ANKRD35: variants seen among roughly 807,000 people sequenced by gnomAD.
The protein encoded by ANKRD35 is ankyrin repeat domain-containing protein 35.
Under a neutral mutation model 109.9 loss-of-function variants are expected in ANKRD35, and 102 were observed. That is an observed-to-expected ratio of 0.93 (90% CI 0.79 to 1.09). The LOEUF is 1.09. ANKRD35 is among the 50% of genes least tolerant of loss of function. ANKRD35 has a pLI of 0.00. For synonymous variants in ANKRD35, 515 were observed against 512.4 expected, an observed-to-expected ratio of 1.01 and a Z score of -0.07; for missense variants, 1,240 against 1,230.1, an observed-to-expected ratio of 1.01 and a Z score of -0.12.
chr1:145,883,612 A>G (rs1309846410), intron 1 of ANKRD35, among the ~76,000 whole-genome samples: 2 of 152,248 alleles, frequency 1.3e-5, no homozygotes, highest in African/African-American at 4.8e-5. Flanking sequence ...CTGACAGTGC[A>G]GGGCTCTGGC....
At position 145,872,658 on chromosome 1, in the gene ANKRD35, A is replaced by G. The variant is rs587717217; in HGVS notation, c.2111T>C (p.Leu704Pro). Residue 704 changes from leucine to proline, a missense_variant, in exon 10 of 14, where the codon CTG (leucine) becomes CCG (proline). Leu to Pro is a moderately conservative substitution (Grantham distance 98). Coordinates refer to ENST00000355594, the MANE Select transcript of ANKRD35 (RefSeq NM_144698.5). ...TAGGTCTGCGGGCAGGCAGTCCCAC[A>G]GCCCTCGGAGACCGCTGCTCTGGGA... ...LASQSSGLRG[L>P]WDCLPADLVG... is the part of the protein sequence containing the mutation. The G allele has an allele frequency of 4.3e-6, 7 of 1,614,064 alleles. No homozygotes were observed. In the Admixed American group the frequency reaches 1.0e-4, roughly 23 times the overall value.
intron 1 of ANKRD35, among the ~76,000 whole-genome samples, chr1:145,884,523 C>T (rs1553741583): frequency 2.6e-5 from 4 of 152,158 alleles, no homozygotes; most frequent in South Asian, 2.1e-4. Flanking sequence ...CTAAATTAGC[C>T]GTAACCCCAA....
At position 145,868,217 on chromosome 1, in the gene ANKRD35, T is replaced by C; in HGVS notation, c.2877+94A>G. On this transcript the variant is annotated intron_variant, in intron 11 of 13. Transcript: ENST00000355594. ...CCAGGCCTCTGTAATTCCTAGAATG[T>C]CTCCCTCAGTAATTCCTAGAATGTC... 3 of 1,501,420 alleles carry C rather than the reference T, an allele frequency of 2.0e-6. No homozygotes were observed. In the Admixed American group the frequency reaches 5.1e-5, roughly 26 times the overall value. The allele number at this position is 1,501,420 out of a possible 1,614,324, so 93.0% of individuals were successfully genotyped here. A position where few individuals can be genotyped will look rare whatever the true frequency, so the allele number is the denominator to read the frequency against.
rs143388227 is a variant in ANKRD35 at position 145,876,581 on chromosome 1, G to T, written c.441C>A (p.Asp147Glu). The T allele has an allele frequency of 6.2e-7, 1 of 1,614,160 alleles. No individual in the cohort carries two copies. Among genetic ancestry groups the T allele is most frequent in the South Asian group, 1.1e-5 (1 of 91,086 alleles). ...ATCTGACACTCACATTATCCAACAC[G>T]TCCAGGAAGGCTTCGTGGTCACACA... ...LLLCDHEAFLDVLDNDGRTPL... is the reference protein window; with the variant it reads ...LLLCDHEAFLEVLDNDGRTPL... Residue 147 changes from aspartate (D) to glutamate (E), a missense_variant, in exon 6 of 14, where the codon GAC becomes GAA. Physicochemically the swap from Asp to Glu is conservative, Grantham distance 45. Coordinates refer to ENST00000355594, the MANE Select transcript of ANKRD35 (RefSeq NM_144698.5).
chr1:145,877,111 G>C (rs1654110247), intron 4 of ANKRD35, among the ~76,000 whole-genome samples: 1 of 152,144 alleles, frequency 6.6e-6, no homozygotes, highest in African/African-American at 2.4e-5. Flanking sequence ...AAACGTGTTA[G>C]GGAAAATGAC....
intron 1 of ANKRD35, among the ~76,000 whole-genome samples, chr1:145,881,934 CT>C (rs1178432011): frequency 6.8e-6 from 1 of 147,730 alleles, no homozygotes; most frequent in Non-Finnish European, 1.5e-5. Context: ...AATATAGATA[CT>C]TTTCTTTCCC....
Position 145,872,638 on chromosome 1 carries a change from C to T in ANKRD35, c.2131G>A (p.Asp711Asn). Residue 711 changes from aspartate (D) to asparagine (N), a missense_variant, in exon 10 of 14, where the codon GAC becomes AAC. Asp to Asn is a conservative substitution (Grantham distance 23). Transcript: ENST00000355594. ...TGTGCACTCCTCTCGCCCACTAGGT[C>T]TGCGGGCAGGCAGTCCCACAGCCCT... ...LRGLWDCLPA[D>N]LVGERSAQSK... 1.2e-6 allele frequency: 2 copies of T among 1,614,060 alleles called. No individual in the cohort carries two copies. Among genetic ancestry groups the T allele is most frequent in the Non-Finnish European group, 1.7e-6 (2 of 1,179,974 alleles).
Position 145,873,994 on chromosome 1 carries a change from G to A in ANKRD35, c.784-9C>T. 1 of 1,613,338 alleles carries A rather than the reference G, an allele frequency of 6.2e-7. No individual in the cohort carries two copies. The highest frequency in any genetic ancestry group is 8.5e-7 in the Non-Finnish European group (1 of 1,179,720). On this transcript the variant is annotated splice_polypyrimidine_tract_variant and intron_variant, in intron 9 of 13. Coordinates refer to ENST00000355594, the MANE Select transcript of ANKRD35 (RefSeq NM_144698.5). Reference sequence around the variant, plus strand: ...GGCTCAGATGGAGAGGCCTATGTTGGAAACAGAATAGTAAAGTGTGGCCAC... The same window carrying A: ...GGCTCAGATGGAGAGGCCTATGTTGAAAACAGAATAGTAAAGTGTGGCCAC...
chr1:145,872,319 G>A lies in ANKRD35; in HGVS notation c.2450C>T (p.Ala817Val). 6.2e-7 allele frequency: 1 copy of A among 1,613,006 alleles called. No individual in the cohort carries two copies. Among genetic ancestry groups the A allele is most frequent in the Non-Finnish European group, 8.5e-7 (1 of 1,179,610 alleles). Residue 817 changes from alanine (A) to valine (V), a missense_variant, in exon 10 of 14, where the codon GCC becomes GTC. Coordinates refer to ENST00000355594, the MANE Select transcript of ANKRD35 (RefSeq NM_144698.5). ...CCTTAGCTCAGCCACTTCCTCTGTG[G>A]CTTGGTAGAGCAGCTGCTTCAGCTT... ...IGKLKQLLYQ[A>V]TEEVAELRAR... is the part of the protein sequence containing the mutation.
chr1:145,871,081 T>A (rs12405876), intron 10 of ANKRD35, among the ~76,000 whole-genome samples: 81,800 of 150,770 alleles, frequency 0.54, 24,167 homozygotes, highest in African/African-American at 0.77. Context: ...TAGAGCAAGC[T>A]TTAGGAAACT....
At chr1:145,870,332 T>A (rs1553738385) in intron 10 of ANKRD35, among the ~76,000 whole-genome samples, 2 of 152,064 alleles carry the variant, frequency 1.3e-5, no homozygotes, top group African/African-American at 4.8e-5. Context: ...GACCTCGTGA[T>A]CCGCCTGCCT....
At chr1:145,876,779 C>A in intron 5 of ANKRD35, 37 bp downstream of exon 5, 1 of 1,613,876 alleles carries the variant, frequency 6.2e-7, no homozygotes, top group East Asian at 2.2e-5. Context: ...ACCCTGTAGT[C>A]TCTGCAGCCC....
At chr1:145,882,720 T>TA (rs1654338495) in intron 1 of ANKRD35, among the ~76,000 whole-genome samples, 1 of 152,130 alleles carries the variant, frequency 6.6e-6, no homozygotes, top group Non-Finnish European at 1.5e-5. Flanking sequence ...AGAGCTGAAG[T>TA]AAAGGACAGA....
At chr1:145,871,952 G>A (rs782253468) in intron 10 of ANKRD35, 30 bp downstream of exon 10, 7 of 1,603,298 alleles carry the variant, frequency 4.4e-6, no homozygotes, top group Non-Finnish European at 5.9e-6. Context: ...ACTTTCCCCA[G>A]TGCTCCCCAG....
rs59433424 is a variant in ANKRD35 at position 145,871,153 on chromosome 1, CT to C, written c.2787+828del. 3.0e-3 allele frequency among the ~76,000 whole-genome samples: 232 copies of C among 78,080 alleles called. 1 individual carries two copies. The highest frequency in any genetic ancestry group is 9.5e-3 in the African/African-American group (203 of 21,434). The allele number at this position is 78,080 out of a possible 152,430, so 51.2% of individuals were successfully genotyped here. A position where few individuals can be genotyped will look rare whatever the true frequency, so the allele number is the denominator to read the frequency against. ...TCTTTCTTTCTTTCTTTTCTTTTTTCTTTTTTTTTTTTTTTTTTTTTTTTTT... is the reference window on the plus strand; with the variant it reads ...TCTTTCTTTCTTTCTTTTCTTTTTTCTTTTTTTTTTTTTTTTTTTTTTTTT... On this transcript the variant is annotated intron_variant, in intron 10 of 13. Coordinates refer to ENST00000355594, the MANE Select transcript of ANKRD35 (RefSeq NM_144698.5).
At chr1:145,879,636 T>C (rs1654217007) in intron 1 of ANKRD35, among the ~76,000 whole-genome samples, 2 of 152,152 alleles carry the variant, frequency 1.3e-5, no homozygotes, top group Admixed American at 6.5e-5. Context: ...GACCACTGAA[T>C]TAAAAATCAT....
rs782815879 is a variant in ANKRD35 at position 145,867,319 on chromosome 1, G to C, written c.*11C>G. The C allele has an allele frequency of 6.2e-7, 1 of 1,613,186 alleles. No individual in the cohort carries two copies. The highest frequency in any genetic ancestry group is 1.1e-5 in the South Asian group (1 of 91,054). ...AATCTCGTATCCCTGAGGGCACACA[G>C]TGAGGCTGCCTCACTCCTCTTCCAT... On this transcript the variant is annotated 3_prime_UTR_variant, in exon 13 of 14. Coordinates refer to ENST00000355594, the MANE Select transcript of ANKRD35 (RefSeq NM_144698.5).
In ANKRD35 at chr1:145,874,873, T is replaced by C; in HGVS notation, c.694A>G (p.Lys232Glu). The change falls in exon 8 of 14, where the codon AAG becomes GAG. Residue 232 changes from lysine to glutamate, a missense_variant. By Grantham distance (56) the Lys-to-Glu change is moderately conservative (BLOSUM62 1). Coordinates refer to ENST00000355594, the MANE Select transcript of ANKRD35 (RefSeq NM_144698.5). ...ALHYALHTQD[K>E]ALWRHLQQAL... is the part of the protein sequence containing the mutation. The stretch of plus-strand genomic sequence containing the variant: ...TGCTGTAGGTGCCTCCACAGTGCCT[T>C]GTCTTGTGTGTGCAGAGCATAGTGC... The C allele has an allele frequency of 1.2e-6, 2 of 1,612,878 alleles. No individual in the cohort carries two copies. Among genetic ancestry groups the C allele is most frequent in the Non-Finnish European group, 1.7e-6 (2 of 1,179,326 alleles).
chr1:145,871,153 CTTTTT>C (rs59433424), intron 10 of ANKRD35, among the ~76,000 whole-genome samples: 86 of 78,040 alleles, frequency 1.1e-3, no homozygotes, highest in African/African-American at 3.2e-3. Flanking sequence ...TTTCTTTTTT[CTTTTT>C]TTTTTTTTTT....
Sources: gnomAD v4.1 joint callset for allele counts (sites outside exome capture counted in the v4.1 genomes callset) on GRCh38, gnomAD v4.1.1 for gene constraint, MANE v1.5 for transcripts, NCBI Gene and HGNC (gene_info 2026-07-23, HGNC 2026-07-21) for gene names.